WDR70: variants seen among roughly 807,000 people sequenced by gnomAD.
WDR70 encodes WD repeat domain 70, also known as WD repeat-containing protein 70.
Under a neutral mutation model 88.6 loss-of-function variants are expected in WDR70, and 53 were observed. The observed-to-expected ratio is 0.60, with a 90% CI of 0.48 to 0.75. The LOEUF (loss-of-function observed/expected upper bound fraction) is 0.75. WDR70 is among the 30% of genes least tolerant of loss of function. The pLI, the probability that WDR70 is intolerant of heterozygous loss-of-function variation, is 0.00. For synonymous variants in WDR70, 280 were observed against 270.0 expected (o/e 1.04, Z -0.36); for missense variants, 610 against 823.2 (o/e 0.74, Z 3.17).
intron 10 of WDR70, among the ~76,000 whole-genome samples, chr5:37,613,111 G>C (rs980361585): frequency 6.6e-6 from 1 of 152,108 alleles, no homozygotes; most frequent in Admixed American, 6.6e-5. Context: ...GCTGTTAGAA[G>C]CAACATTCAC....
chr5:37,459,562 G>A (rs1304484388), intron 7 of WDR70, among the ~76,000 whole-genome samples: 1 of 72,444 alleles, frequency 1.4e-5, no homozygotes, highest in Non-Finnish European at 3.0e-5. Flanking sequence ...AGATTTAAAC[G>A]TTAGACCTAA....
intron 3 of WDR70, among the ~76,000 whole-genome samples, chr5:37,382,887 C>T (rs1361628346): frequency 1.3e-5 from 2 of 151,924 alleles, no homozygotes; most frequent in African/African-American, 4.8e-5. Context: ...GTGTTGGGCC[C>T]CTGTAATCCC....
At chr5:37,700,944 C>T in intron 11 of WDR70, 114 bp from the exon 12 acceptor site, 1 of 621,876 alleles carries the variant, frequency 1.6e-6, no homozygotes, top group Non-Finnish European at 2.9e-6. Flanking sequence ...TCCCCTTCCC[C>T]TTCCCTTTCT....
chr5:37,750,563 T>A (rs1748775461), intron 17 of WDR70, among the ~76,000 whole-genome samples: 1 of 152,090 alleles, frequency 6.6e-6, no homozygotes, highest in Admixed American at 6.5e-5. Flanking sequence ...TTTGGCTGTG[T>A]CCCCACCCAA....
chr5:37,724,730 G>T, intron 15 of WDR70: 2 of 556,614 alleles, frequency 3.6e-6, no homozygotes, highest in Non-Finnish European at 6.4e-6. Context: ...TTTCCTGAGT[G>T]CTGTTAGCTG....
intron 7 of WDR70, among the ~76,000 whole-genome samples, chr5:37,474,123 A>G (rs925404207): frequency 6.6e-6 from 1 of 152,116 alleles, no homozygotes; most frequent in African/African-American, 2.4e-5. Flanking sequence ...TTATTTTCAA[A>G]CATTCAGTGG....
At chr5:37,595,402 A>G (rs1561915910) in intron 9 of WDR70, among the ~76,000 whole-genome samples, 3 of 152,208 alleles carry the variant, frequency 2.0e-5, no homozygotes, top group Non-Finnish European at 4.4e-5. Flanking sequence ...TGTAGTATTT[A>G]TACATTGAAA....
At chr5:37,429,622 T>C (rs887695059) in intron 5 of WDR70, among the ~76,000 whole-genome samples, 1 of 152,172 alleles carries the variant, frequency 6.6e-6, no homozygotes, top group African/African-American at 2.4e-5. Flanking sequence ...TATCTTGGCA[T>C]TTTTCTTGAA....
chr5:37,604,468 C>T (rs890812880), intron 9 of WDR70, among the ~76,000 whole-genome samples: 4 of 152,156 alleles, frequency 2.6e-5, no homozygotes, highest in African/African-American at 7.2e-5. Context: ...AGTGCTCCTT[C>T]GCTTAGGACT....
chr5:37,514,886 CAT>C (rs1740840823), intron 8 of WDR70, among the ~76,000 whole-genome samples: 2 of 151,882 alleles, frequency 1.3e-5, no homozygotes, highest in Non-Finnish European at 2.9e-5. Flanking sequence ...CATGGTGGCT[CAT>C]GCCTGTAATC....
chr5:37,748,019 C>T (rs1353761464), intron 17 of WDR70, among the ~76,000 whole-genome samples: 2 of 152,156 alleles, frequency 1.3e-5, no homozygotes, highest in Non-Finnish European at 2.9e-5. Flanking sequence ...ACATTCAATC[C>T]TCATGAATAG....
intron 10 of WDR70, among the ~76,000 whole-genome samples, chr5:37,675,637 C>A (rs1746181226): frequency 1.3e-5 from 2 of 152,112 alleles, no homozygotes; most frequent in African/African-American, 4.8e-5. Context: ...GTTACTGTAG[C>A]CTTGTACTAT....
chr5:37,657,474 G>C (rs1232356077), intron 10 of WDR70, among the ~76,000 whole-genome samples: 1 of 152,108 alleles, frequency 6.6e-6, no homozygotes, highest in Non-Finnish European at 1.5e-5. Flanking sequence ...TTTTTATAGA[G>C]GCATAGTATT....
intron 7 of WDR70, among the ~76,000 whole-genome samples, chr5:37,465,317 G>T (rs556189651): frequency 6.6e-6 from 1 of 152,260 alleles, no homozygotes; most frequent in Non-Finnish European, 1.5e-5. Flanking sequence ...ACATTGTAGT[G>T]AAATGCTTCA....
At chr5:37,551,308 C>A (rs72738770) in intron 9 of WDR70, among the ~76,000 whole-genome samples, 12 of 149,840 alleles carry the variant, frequency 8.0e-5, no homozygotes, top group South Asian at 4.2e-4. Context: ...TTTGTTCCCC[C>A]CCTCCGCAAA....
chr5:37,453,338 G>T (rs1182885460), intron 7 of WDR70, among the ~76,000 whole-genome samples: 1 of 152,204 alleles, frequency 6.6e-6, no homozygotes, highest in Non-Finnish European at 1.5e-5. Flanking sequence ...CCAGTCATTA[G>T]CATTGTTTCT....
chr5:37,637,033 A>C (rs1410310921), intron 10 of WDR70, among the ~76,000 whole-genome samples: 1 of 152,136 alleles, frequency 6.6e-6, no homozygotes, highest in Non-Finnish European at 1.5e-5. Context: ...TGGTAAGTCT[A>C]AAATTGTTTT....
intron 9 of WDR70, among the ~76,000 whole-genome samples, chr5:37,557,959 T>TTTGAAAACTCTTCTAAAG: frequency 6.8e-6 from 1 of 146,502 alleles, no homozygotes; most frequent in Non-Finnish European, 1.5e-5. Flanking sequence ...AAAAGAGTAT[T>TTTGAAAACTCTTCTAAAG]ATGTATATTT....
chr5:37,665,621 C>T (rs751739967), intron 10 of WDR70, among the ~76,000 whole-genome samples: 1 of 152,190 alleles, frequency 6.6e-6, no homozygotes, highest in Non-Finnish European at 1.5e-5. Context: ...AAAATTTGTA[C>T]ATTTTGATGC....
Sources: gnomAD v4.1 joint callset for allele counts (sites outside exome capture counted in the v4.1 genomes callset) on GRCh38, gnomAD v4.1.1 for gene constraint, MANE v1.5 for transcripts, NCBI Gene and HGNC (gene_info 2026-07-23, HGNC 2026-07-21) for gene names.